WNT7B: variants seen among roughly 807,000 people sequenced by gnomAD.
WNT7B encodes the protein Wnt family member 7B, also known as protein Wnt-7b.
In WNT7B, 19 loss-of-function variants were observed where a neutral mutation model predicts 38.2. The ratio of observed to expected loss-of-function variants is 0.50; its 90% confidence interval spans 0.35 to 0.73. The LOEUF is 0.73. Ranked by LOEUF, WNT7B falls within the 30% of genes least tolerant of loss-of-function variation. WNT7B has a pLI of 0.01. For missense variants in WNT7B, 423 were observed against 507.9 expected, an observed-to-expected ratio of 0.83 and a Z score of 1.61; for synonymous variants, 243 against 209.3, an observed-to-expected ratio of 1.16 and a Z score of -1.39.
intron 2 of WNT7B, among the ~76,000 whole-genome samples, chr22:45,934,872 G>T (rs1055057132): frequency 6.6e-6 from 1 of 152,234 alleles, no homozygotes; most frequent in Non-Finnish European, 1.5e-5. Context: ...CATAGTTTTG[G>T]CACAATCAGT....
rs780036850 is a variant in WNT7B at position 45,922,835 on chromosome 22, C to A, written c.*21G>T. ...ATGCCGCCGGGTTCCAGGGTGCCCGCGGCCGCCTCCGGGCCTGGCCTCACT... is the reference window on the plus strand; with the variant it reads ...ATGCCGCCGGGTTCCAGGGTGCCCGAGGCCGCCTCCGGGCCTGGCCTCACT... On this transcript the variant is annotated 3_prime_UTR_variant, in exon 4 of 4. Transcript: ENST00000339464. The A allele has an allele frequency of 6.3e-7, 1 of 1,577,116 alleles. No homozygotes were observed. Among genetic ancestry groups the A allele is most frequent in the Non-Finnish European group, 8.6e-7 (1 of 1,157,906 alleles).
rs1223109752 is a variant in WNT7B, at chr22:45,951,533, T to C, written c.72-1387A>G. 1.3e-5 allele frequency among the ~76,000 whole-genome samples: 2 copies of C among 151,836 alleles called. No homozygotes were observed. On this transcript the variant is annotated intron_variant, in intron 1 of 3. Transcript: ENST00000339464. The surrounding 1 kb of genome is among the most constrained non-coding windows in gnomAD (Gnocchi z 4.8). ...CCACCCCAGAAGGAAACTGTACCCA[T>C]CAGTCACTCCCCGTTCTCCCCTCCC...
chr22:45,936,073 G>A (rs1931507156), intron 2 of WNT7B: 2 of 985,258 alleles, frequency 2.0e-6, no homozygotes, highest in Non-Finnish European at 1.2e-6. Flanking sequence ...CTATATTCTG[G>A]CCACCCCTCA....
intron 1 of WNT7B, among the ~76,000 whole-genome samples, chr22:45,970,401 G>A (rs1233143179): frequency 6.6e-6 from 1 of 151,006 alleles, no homozygotes; most frequent in African/African-American, 2.5e-5. Flanking sequence ...CCAGCCCTGA[G>A]GTAAACCCGG....
Position 45,921,731 on chromosome 22 carries a change from C to G in WNT7B, c.*1125G>C, listed in dbSNP as rs1378878430. ...GGAACGAAGGACTCCTGGAACCTGA[C>G]GTGGGTGATATTTTGATTTGCTTGA... On this transcript the variant is annotated 3_prime_UTR_variant, in exon 4 of 4. Transcript: ENST00000339464. 1.3e-5 allele frequency: 2 copies of G among 152,110 alleles called. No homozygotes were observed. The highest frequency in any genetic ancestry group is 2.4e-5 in the African/African-American group (1 of 41,384). The allele number at this position is 152,110 out of a possible 1,614,324, so 9.4% of individuals were successfully genotyped here.
rs368745730 is a variant in WNT7B at position 45,964,762 on chromosome 22, G to A, written c.71+11922C>T. Among the ~76,000 whole-genome samples the A allele has an allele frequency of 5.5e-3, 833 of 152,244 alleles. 13 individuals are homozygous for A. Among genetic ancestry groups the A allele is most frequent in the South Asian group, 0.044 (211 of 4,822 alleles). ...GCCATCAGACTGACAGATTTGCTGG[G>A]TACCGACTGAGTGAGGGCCTGGCAC... is the stretch of plus-strand genomic sequence containing the variant. On this transcript the variant is annotated intron_variant, in intron 1 of 3. Transcript: ENST00000339464.
In WNT7B at chr22:45,968,462, G is replaced by C. The variant is rs1306156738; in HGVS notation, c.71+8222C>G. On this transcript the variant is annotated intron_variant, in intron 1 of 3. Coordinates refer to ENST00000339464, the MANE Select transcript of WNT7B (RefSeq NM_058238.3). The stretch of plus-strand genomic sequence containing the variant: ...CTGGGCCTTGGGACACAGCCAGGCA[G>C]TGAGGGCCCTGTGGAGTCAGGATGA... 3.3e-5 allele frequency among the ~76,000 whole-genome samples: 5 copies of C among 152,350 alleles called. No individual in the cohort carries two copies. In the East Asian group the frequency reaches 9.6e-4, roughly 29 times the overall value.
chr22:45,937,085 G>A (rs1371136185), intron 2 of WNT7B, among the ~76,000 whole-genome samples: 1 of 152,220 alleles, frequency 6.6e-6, no homozygotes. Context: ...GGAGAGCCAG[G>A]AGTCTGCAGC....
At position 45,925,901 on chromosome 22, in the gene WNT7B, G is replaced by A. The variant is rs1296482168; in HGVS notation, c.571-2566C>T. ...TGCAGGCCACGTGGTCTAGGCCCAA[G>A]CTGCCCTCTAGTGCTCCTGCTGTGG... On this transcript the variant is annotated intron_variant, in intron 3 of 3. Transcript: ENST00000339464. 3 of 985,300 alleles carry A rather than the reference G, an allele frequency of 3.0e-6. No homozygotes were observed. The African/African-American group carries it at 5.2e-5, about 17-fold the overall frequency. The allele number at this position is 985,300 out of a possible 1,614,324, so 61.0% of individuals were successfully genotyped here.
Position 45,923,034 on chromosome 22 carries a change from C to T in WNT7B, c.872G>A (p.Gly291Asp). 3.1e-6 allele frequency: 5 copies of T among 1,612,700 alleles called. No individual in the cohort carries two copies. Among genetic ancestry groups the T allele is most frequent in the Non-Finnish European group, 4.2e-6 (5 of 1,179,480 alleles). Residue 291 changes from glycine to aspartate, a missense_variant, in exon 4 of 4, where the codon GGC (glycine) becomes GAC (aspartate). This residue lies in a region of WNT7B where 158 missense variants were observed against 214.7 expected (regional missense o/e 0.74). Transcript: ENST00000339464. ...GGGCGACGTGCGGTTGCAGAGACGG[C>T]CCTGCGTGCCCACGCTGCCCGTGGC... The part of the protein sequence containing the change: ...DAATGSVGTQ[G>D]RLCNRTSPGA...
intron 3 of WNT7B, chr22:45,925,005 G>A: frequency 1.0e-6 from 1 of 952,652 alleles, no homozygotes; most frequent in Non-Finnish European, 1.2e-6. Context: ...CGGGCCCAAA[G>A]TCTCATCAGG....
chr22:45,940,354 C>T (rs1931615298), intron 2 of WNT7B, among the ~76,000 whole-genome samples: 1 of 152,090 alleles, frequency 6.6e-6, no homozygotes, highest in African/African-American at 2.4e-5. Context: ...AGAGTTTGTG[C>T]TCAGCCCACT....
chr22:45,928,970 G>A (rs916803217), intron 3 of WNT7B, among the ~76,000 whole-genome samples: 5 of 117,862 alleles, frequency 4.2e-5, no homozygotes, highest in African/African-American at 1.8e-4. Context: ...CACAAGCAGG[G>A]ACCCGAGCTT....
intron 2 of WNT7B, among the ~76,000 whole-genome samples, chr22:45,944,521 G>C (rs1349109850): frequency 2.0e-5 from 3 of 152,256 alleles, no homozygotes; most frequent in African/African-American, 7.2e-5. Context: ...TGTCCGTACA[G>C]TCCTGGCTGC....
chr22:45,941,697 G>A (rs1257545061), intron 2 of WNT7B, among the ~76,000 whole-genome samples: 2 of 152,066 alleles, frequency 1.3e-5, no homozygotes, highest in Non-Finnish European at 2.9e-5. Flanking sequence ...GGGAACTCAA[G>A]CCTGGCCCCG....
intron 1 of WNT7B, chr22:45,972,116 G>GGCCCCCCCCCCCCCCCC: frequency 1.9e-6 from 1 of 530,744 alleles, no homozygotes; most frequent in Non-Finnish European, 3.3e-6. Context: ...CCCGGGGGGA[G>GGCCCCCCCCCCCCCCCC]CCCACCCGCC....
At chr22:45,945,740 C>T (rs1400350430) in intron 2 of WNT7B, among the ~76,000 whole-genome samples, 1 of 152,228 alleles carries the variant, frequency 6.6e-6, no homozygotes, top group Non-Finnish European at 1.5e-5. Context: ...CTCTCAGATA[C>T]CCCGAGATGG....
chr22:45,931,106 C>G lies in WNT7B; in HGVS notation c.562G>C (p.Gly188Arg). The G allele has an allele frequency of 6.3e-7, 1 of 1,576,974 alleles. No homozygotes were observed. Among genetic ancestry groups the G allele is most frequent in the Non-Finnish European group, 8.6e-7 (1 of 1,161,816 alleles). ...CCGCACCCGCACCCTACCTTCCTGC[C>G]GGCCTCATTGTTATGCAGGTTCATG... ...RLMNLHNNEA[G>R]RKVLEDRMQL... Residue 188 changes from glycine (G) to arginine (R), a missense_variant, in exon 3 of 4, where the codon GGC becomes CGC. This residue lies in a region of WNT7B where 132 missense variants were observed against 113.4 expected (regional missense o/e 1.16). Coordinates refer to ENST00000339464, the MANE Select transcript of WNT7B (RefSeq NM_058238.3).
intron 1 of WNT7B, among the ~76,000 whole-genome samples, chr22:45,974,703 C>CA (rs1208372256): frequency 2.6e-5 from 4 of 152,298 alleles, no homozygotes; most frequent in African/African-American, 9.6e-5. Flanking sequence ...GCCACTGCTT[C>CA]ACTCTTACCC....
Sources: allele counts gnomAD v4.1 joint callset (sites outside exome capture counted in the v4.1 genomes callset), GRCh38; gene constraint gnomAD v4.1.1; regional missense constraint gnomAD v4.1.1; non-coding constraint Gnocchi (gnomAD v3.1); transcripts MANE v1.5; gene names NCBI Gene and HGNC (gene_info 2026-07-23, HGNC 2026-07-21).